The following GDAP2 variants were observed in gnomAD, a reference collection of about 807,000 sequenced individuals.
GDAP2 encodes the protein ganglioside-induced differentiation-associated protein 2.
GDAP2 carries 51 observed loss-of-function variants against 67.0 expected under a neutral mutation model. The ratio of observed to expected loss-of-function variants is 0.76; its 90% confidence interval spans 0.61 to 0.96. GDAP2 has a LOEUF of 0.96. Ranked by LOEUF, GDAP2 falls within the 40% of genes least tolerant of loss-of-function variation. The pLI is 0.00. For synonymous variants in GDAP2, 203 were observed against 207.3 expected, an observed-to-expected ratio of 0.98 and a Z score of 0.18; for missense variants, 547 against 588.3, an observed-to-expected ratio of 0.93 and a Z score of 0.73.
intron 11 of GDAP2, among the ~76,000 whole-genome samples, 153 bp from the exon 12 acceptor site, chr1:117,882,030 T>A (rs1022880677): frequency 6.6e-6 from 1 of 152,184 alleles, no homozygotes; most frequent in African/African-American, 2.4e-5. Flanking sequence ...TTTAGGTGAA[T>A]GCCAAAAACA....
rs1482418347 is a variant in GDAP2, at chr1:117,912,618, T to G, written c.382A>C (p.Thr128Pro). ...CGGCTTTTATATTTAGGTCCCACTG[T>G]GTGAATGATGAACCGGGCAGCTAGA... is the stretch of plus-strand genomic sequence containing the variant. ...FNLAARFIIH[T>P]VGPKYKSRYR... Residue 128 changes from threonine (T) to proline (P), a missense_variant, in exon 4 of 14, where the codon ACA (threonine) becomes CCA (proline). Transcript: ENST00000369443. 2 of 1,613,592 alleles carry G rather than the reference T, an allele frequency of 1.2e-6. No individual in the cohort carries two copies.
rs764809196 is a variant in GDAP2, at chr1:117,881,809, G to C, written c.1302+14C>G. On this transcript the variant is annotated intron_variant, in intron 12 of 13. Coordinates refer to ENST00000369443, the MANE Select transcript of GDAP2 (RefSeq NM_017686.4). Reference sequence around the variant, plus strand: ...CATAAATTCTAGATTTAACCAAAGAGAAAAATACTGTACCTTTGAACGAAA... The same window carrying C: ...CATAAATTCTAGATTTAACCAAAGACAAAAATACTGTACCTTTGAACGAAA... 1.4e-6 allele frequency: 2 copies of C among 1,436,278 alleles called. No homozygotes were observed. Among genetic ancestry groups the C allele is most frequent in the Non-Finnish European group, 2.0e-6 (2 of 1,018,074 alleles). The allele number at this position is 1,436,278 out of a possible 1,614,324, so 89.0% of individuals were successfully genotyped here. A position where few individuals can be genotyped will look rare whatever the true frequency, so the allele number is the denominator to read the frequency against.
intron 5 of GDAP2, among the ~76,000 whole-genome samples, chr1:117,910,061 G>A (rs1207182179): frequency 1.3e-5 from 2 of 152,120 alleles, no homozygotes; most frequent in Admixed American, 1.3e-4. Flanking sequence ...TATCAAGGGA[G>A]GAATTTTGCT....
intron 8 of GDAP2, among the ~76,000 whole-genome samples, chr1:117,891,301 A>G (rs1649076544): frequency 6.6e-6 from 1 of 151,658 alleles, no homozygotes; most frequent in African/African-American, 2.4e-5. Flanking sequence ...GTAGGTACCA[A>G]TGAGTGAAAG....
intron 3 of GDAP2, among the ~76,000 whole-genome samples, chr1:117,916,708 G>A (rs924089457): frequency 1.5e-4 from 23 of 152,266 alleles, no homozygotes; most frequent in African/African-American, 1.2e-4. Flanking sequence ...AAGAAAAAGC[G>A]AAGTGTTAAT....
intron 1 of GDAP2, among the ~76,000 whole-genome samples, chr1:117,925,227 G>A (rs1474036255): frequency 6.6e-6 from 1 of 152,086 alleles, no homozygotes; most frequent in Non-Finnish European, 1.5e-5. Context: ...CTGAGGCGGG[G>A]AGATCACTTG....
In GDAP2 at chr1:117,899,092, T is replaced by C. The variant is rs761440565; in HGVS notation, c.761A>G (p.Gln254Arg). Residue 254 changes from glutamine (Q) to arginine (R), a missense_variant, in exon 7 of 14, where the codon CAG becomes CGG. Physicochemically the swap from Gln to Arg is conservative, Grantham distance 43 (BLOSUM62 1). Transcript: ENST00000369443. ...ACCAGGTTTCTCACTTATTCTAATC[T>C]GTCGTTCAGGTACCACAGGCTCCCC... is the stretch of plus-strand genomic sequence containing the variant. ...AEGEPVVPER[Q>R]IRISEKPGAP... The C allele has an allele frequency of 1.2e-6, 2 of 1,613,532 alleles. No individual in the cohort carries two copies. Among genetic ancestry groups the C allele is most frequent in the Non-Finnish European group, 8.5e-7 (1 of 1,179,584 alleles).
intron 8 of GDAP2, 54 bp from the exon 9 acceptor site, chr1:117,887,828 C>T: frequency 2.9e-6 from 3 of 1,021,468 alleles, no homozygotes; most frequent in African/African-American, 1.6e-5. Context: ...ATTAAATTTA[C>T]AAATGGGACC....
chr1:117,882,577 G>C (rs964493111), intron 11 of GDAP2, among the ~76,000 whole-genome samples: 9 of 152,118 alleles, frequency 5.9e-5, no homozygotes, highest in African/African-American at 1.9e-4. Context: ...AAGTTAATTG[G>C]AAAGGACGTC....
chr1:117,874,434 T>G (rs1648388795), intron 13 of GDAP2, among the ~76,000 whole-genome samples: 1 of 152,224 alleles, frequency 6.6e-6, no homozygotes, highest in Non-Finnish European at 1.5e-5. Context: ...AGAAGCAGCC[T>G]GAGTCCCTCA....
At chr1:117,882,497 A>C (rs929474948) in intron 11 of GDAP2, among the ~76,000 whole-genome samples, 3 of 152,106 alleles carry the variant, frequency 2.0e-5, no homozygotes, top group Non-Finnish European at 4.4e-5. Context: ...CCTATCCACT[A>C]TTCCATCTGG....
intron 11 of GDAP2, among the ~76,000 whole-genome samples, chr1:117,882,260 T>C (rs1648675298): frequency 6.6e-6 from 1 of 152,104 alleles, no homozygotes; most frequent in Admixed American, 6.6e-5. Context: ...AAAGTTTCAA[T>C]GGTCATATTA....
At position 117,918,580 on chromosome 1, in the gene GDAP2, A is replaced by G; in HGVS notation, c.316+17T>C. ...AATGTTTTCTAAGCAATAATATATGAAAGAAAATTCACTCACCTTTAAGTT... is the reference window on the plus strand; with the variant it reads ...AATGTTTTCTAAGCAATAATATATGGAAGAAAATTCACTCACCTTTAAGTT... On this transcript the variant is annotated intron_variant, in intron 3 of 13. Transcript: ENST00000369443. 6.3e-7 allele frequency: 1 copy of G among 1,578,926 alleles called. No individual in the cohort carries two copies.
intron 11 of GDAP2, 41 bp from the exon 12 acceptor site, chr1:117,881,918 T>C: frequency 8.9e-7 from 1 of 1,120,162 alleles, no homozygotes; most frequent in Non-Finnish European, 1.4e-6. Context: ...CAGTATAAGT[T>C]CATGCCTAAA....
At chr1:117,919,239 T>C (rs943223836) in intron 2 of GDAP2, among the ~76,000 whole-genome samples, 3 of 152,046 alleles carry the variant, frequency 2.0e-5, no homozygotes, top group Admixed American at 2.0e-4. Context: ...CTGGGCATGG[T>C]GGCAGGCACC....
In GDAP2 at chr1:117,887,682, A is replaced by C. The variant is rs757672927; in HGVS notation, c.1030+16T>G. ...TTAATTAGTGAAAGAATAAGTTACC[A>C]TATATTTAAGCTCACCTGTTTGGTA... On this transcript the variant is annotated intron_variant, in intron 9 of 13. Coordinates refer to ENST00000369443, the MANE Select transcript of GDAP2 (RefSeq NM_017686.4). 1 of 1,249,872 alleles carries C rather than the reference A, an allele frequency of 8.0e-7. No individual in the cohort carries two copies. Among genetic ancestry groups the C allele is most frequent in the Non-Finnish European group, 1.2e-6 (1 of 847,818 alleles). 77.4% of individuals were successfully genotyped at this position (1,249,872 alleles called of 1,614,324 possible).
At chr1:117,908,959 A>G (rs1420996606) in intron 5 of GDAP2, among the ~76,000 whole-genome samples, 1 of 152,240 alleles carries the variant, frequency 6.6e-6, no homozygotes. Flanking sequence ...GATAAAATAC[A>G]ATACCAAATA....
intron 3 of GDAP2, 115 bp downstream of exon 3, chr1:117,918,481 AC>A (rs1412065847): frequency 7.1e-6 from 5 of 708,120 alleles, no homozygotes; most frequent in Non-Finnish European, 1.2e-5. Flanking sequence ...TTTAGTTTTA[AC>A]AAAAGAAAAA....
chr1:117,921,178 G>A (rs1288166698), intron 1 of GDAP2, among the ~76,000 whole-genome samples: 4 of 152,020 alleles, frequency 2.6e-5, no homozygotes, highest in African/African-American at 7.3e-5. Context: ...TTCATTCATC[G>A]AATAAATCTT....
Sources: allele counts gnomAD v4.1 joint callset (sites outside exome capture counted in the v4.1 genomes callset), GRCh38; gene constraint gnomAD v4.1.1; transcripts MANE v1.5; gene names NCBI Gene and HGNC (gene_info 2026-07-23, HGNC 2026-07-21).